The following BRI3 variants were observed in gnomAD, a reference collection of about 807,000 sequenced individuals.
BRI3 encodes the protein membrane protein BRI3.
A neutral mutation model predicts 12.8 loss-of-function variants in BRI3; 6 were observed. The observed-to-expected ratio is 0.47, with a 90% CI of 0.26 to 0.93. BRI3 has a LOEUF of 0.93. Ranked by LOEUF, BRI3 falls within the 40% of genes least tolerant of loss-of-function variation. The pLI is 0.15. For missense variants in BRI3, 134 were observed against 171.1 expected (o/e 0.78, Z 1.21); for synonymous variants, 91 against 76.1 (o/e 1.20, Z -1.02).
At chr7:98,303,548 A>G (rs1007633742), upstream of BRI3, among the ~76,000 whole-genome samples, 2 of 151,982 alleles carry the variant, frequency 1.3e-5, no homozygotes, top group African/African-American at 4.8e-5. Context: ...TCTGCTTCCT[A>G]TCACTAGAAC....
chr7:98,304,777 G>A (rs1172378498), upstream of BRI3, among the ~76,000 whole-genome samples: 1 of 151,730 alleles, frequency 6.6e-6, no homozygotes, highest in Admixed American at 6.6e-5. Context: ...TTGAACTCCT[G>A]ACCTCAGCTG....
At position 98,285,090 on chromosome 7, in the gene BRI3, C is replaced by T. The variant is rs149413268; in HGVS notation, c.245+2637C>T. Among the ~76,000 whole-genome samples the T allele has an allele frequency of 4.0e-3, 607 of 152,260 alleles. 9 individuals are homozygous for T. Among genetic ancestry groups the T allele is most frequent in the African/African-American group, 0.014 (579 of 41,570 alleles). The stretch of plus-strand genomic sequence containing the variant: ...TGCACCAGGCCCCCATGAGTACTGG[C>T]TGGGCTGTCACTGGGTATTTAGTTT... On this transcript the variant is annotated intron_variant, in intron 2 of 2. Transcript: ENST00000297290.
intron 1 of BRI3, among the ~76,000 whole-genome samples, chr7:98,300,263 C>CCCTGCT (rs1169374209): frequency 1.5e-4 from 1 of 6,768 alleles, no homozygotes; most frequent in Non-Finnish European, 4.6e-4. Flanking sequence ...ACAGCCATTC[C>CCCTGCT]CCCTGCTCCC....
At chr7:98,300,089 C>T (rs899769884) in intron 1 of BRI3, among the ~76,000 whole-genome samples, 5 of 152,324 alleles carry the variant, frequency 3.3e-5, no homozygotes, top group Admixed American at 6.5e-5. Flanking sequence ...CTAGTTCCTT[C>T]GTTGCACCAT....
chr7:98,313,717 C>T (rs1274543696), downstream of BRI3, among the ~76,000 whole-genome samples: 1 of 151,992 alleles, frequency 6.6e-6, no homozygotes, highest in African/African-American at 2.4e-5. Context: ...CTCCTGGGCT[C>T]AAACAATCCT....
At chr7:98,307,870 G>T (rs1385972037) in exon 2 of BRI3, 3 of 1,614,074 alleles carry the variant, frequency 1.9e-6, no homozygotes, top group South Asian at 2.2e-5. Flanking sequence ...GAAACTGATC[G>T]CTGTAAACTG....
intron 2 of BRI3, among the ~76,000 whole-genome samples, chr7:98,287,754 A>T (rs1302027813): frequency 6.6e-6 from 1 of 152,218 alleles, no homozygotes; most frequent in Non-Finnish European, 1.5e-5. Context: ...CAGCAGCTGC[A>T]GGTGGGAGGC....
In BRI3 at chr7:98,281,923, C is replaced by T; in HGVS notation, c.128C>T (p.Pro43Leu). Residue 43 changes from proline (P) to leucine (L), a missense_variant, in exon 1 of 3, where the codon CCC (proline) becomes CTC (leucine). Pro to Leu is a moderately conservative substitution (Grantham distance 98). Coordinates refer to ENST00000297290, the MANE Select transcript of BRI3 (RefSeq NM_015379.5). Reference protein sequence around the residue: ...IPAAPPPPPYPYLVTGIPTHH... With the variant: ...IPAAPPPPPYLYLVTGIPTHH... ...GCCGCGCCCCCGCCGCCGCCCTACCCCTACCTCGTCACAGGTGGGCCCGTA... is the reference window on the plus strand; with the variant it reads ...GCCGCGCCCCCGCCGCCGCCCTACCTCTACCTCGTCACAGGTGGGCCCGTA... 6 of 1,313,256 alleles carry T rather than the reference C, an allele frequency of 4.6e-6. No homozygotes were observed. Among genetic ancestry groups the T allele is most frequent in the Non-Finnish European group, 3.9e-6 (4 of 1,033,300 alleles). 81.4% of individuals were successfully genotyped at this position (1,313,256 alleles called of 1,614,324 possible).
chr7:98,306,600 G>C, exon 1 of BRI3: 1 of 1,596,144 alleles, frequency 6.3e-7, no homozygotes, highest in Non-Finnish European at 8.6e-7. Flanking sequence ...GAGAGCTCAG[G>C]GCAGACAGGT....
chr7:98,306,303 C>A (rs1050490801), upstream of BRI3: 4 of 1,045,940 alleles, frequency 3.8e-6, no homozygotes, highest in South Asian at 5.7e-5. Flanking sequence ...CTGTGAGCCG[C>A]GGTCTCATCT....
At chr7:98,307,591 A>G in exon 2 of BRI3, 1 of 1,535,296 alleles carries the variant, frequency 6.5e-7, no homozygotes, top group Non-Finnish European at 8.8e-7. Context: ...AACTTTGGCT[A>G]AAATGTGAGC....
chr7:98,308,078 G>A, exon 2 of BRI3: 1 of 716,458 alleles, frequency 1.4e-6, no homozygotes. Flanking sequence ...GGACTGTTGA[G>A]AAACAGAGGC....
downstream of BRI3, chr7:98,310,686 C>CTATTTATTTATT (rs3062609): frequency 1.3e-3 from 1,018 of 804,354 alleles, 18 homozygotes; most frequent in African/African-American, 0.015. Context: ...AAATAATAGG[C>CTATTTATTTATT]TATTTATTTA....
At chr7:98,317,467 T>A in the BRI3 span, 1 of 1,363,000 alleles carries the variant, frequency 7.3e-7, no homozygotes, top group African/African-American at 1.4e-5. Context: ...CCTGACACCC[T>A]CACTTCACAC....
In BRI3 at chr7:98,307,481, T is replaced by C. The variant is rs937309659; in HGVS notation, n.145-34T>C. 5 of 1,424,570 alleles carry C rather than the reference T, an allele frequency of 3.5e-6. No individual in the cohort carries two copies. The Admixed American group carries it at 1.4e-4, about 41-fold the overall frequency. 88.2% of individuals were successfully genotyped at this position (1,424,570 alleles called of 1,614,324 possible). A position where few individuals can be genotyped will look rare whatever the true frequency, so the allele number is the denominator to read the frequency against. On this transcript the variant is annotated intron_variant and non_coding_transcript_variant, in intron 1 of 1. Coordinates refer to the BRI3 transcript ENST00000485422. ...AGGTGACTTCATACGCTCTAATAAC[T>C]ATGCATGCACCAAATGTATCTCTAC...
chr7:98,295,724 G>A (rs561633360), downstream of BRI3, among the ~76,000 whole-genome samples: 7 of 151,998 alleles, frequency 4.6e-5, no homozygotes, highest in African/African-American at 1.5e-4. Flanking sequence ...AGGGGAAGGC[G>A]CTTCCCAAAC....
the BRI3 span, chr7:98,317,466 C>G: frequency 7.3e-7 from 1 of 1,369,448 alleles, no homozygotes; most frequent in East Asian, 2.3e-5. Context: ...CCCTGACACC[C>G]TCACTTCACA....
chr7:98,291,045 CA>C, intron 2 of BRI3, 65 bp from the exon 3 acceptor site: 1 of 1,583,068 alleles, frequency 6.3e-7, no homozygotes, highest in South Asian at 1.1e-5. Flanking sequence ...GCAAGGGTGG[CA>C]GGGGTGAGGG....
chr7:98,322,125 G>A, the BRI3 span, among the ~76,000 whole-genome samples: 2 of 152,110 alleles, frequency 1.3e-5, no homozygotes, highest in Non-Finnish European at 2.9e-5. Context: ...ATTCTAGTGG[G>A]GAACTGAGAG....
Sources: allele counts gnomAD v4.1 joint callset (sites outside exome capture counted in the v4.1 genomes callset), GRCh38; gene constraint gnomAD v4.1.1; transcripts MANE v1.5; gene names NCBI Gene and HGNC (gene_info 2026-07-23, HGNC 2026-07-21).